The following HYDIN variants were observed in gnomAD, a reference collection of about 807,000 sequenced individuals.
HYDIN encodes the protein HYDIN axonemal central pair apparatus protein, also known as axonemal central pair apparatus protein HYDIN.
A neutral mutation model predicts 403.9 loss-of-function variants in HYDIN; 132 were observed. That is an observed-to-expected ratio of 0.33 (90% CI 0.28 to 0.38). HYDIN has a LOEUF of 0.38. Among genes scored for constraint, HYDIN ranks in the 10% least tolerant of loss-of-function variants. The pLI is 1.00. For missense variants in HYDIN, 2,827 were observed against 5,009.5 expected (o/e 0.56, Z 13.15); for synonymous variants, 1,202 against 1,891.7 (o/e 0.64, Z 9.46).
At chr16:70,884,891 G>A (rs1031379545) in intron 58 of HYDIN, among the ~76,000 whole-genome samples, 1 of 152,264 alleles carries the variant, frequency 6.6e-6, no homozygotes, top group Non-Finnish European at 1.5e-5. Context: ...AGAACAGAAT[G>A]TCCTGCAGTG....
chr16:71,197,751 T>C (rs920724950), intron 1 of HYDIN, among the ~76,000 whole-genome samples: 2 of 148,626 alleles, frequency 1.3e-5, no homozygotes, highest in Admixed American at 6.6e-5. Flanking sequence ...ATTCTCTTTG[T>C]TTGTTTGTTT....
chr16:70,947,015 A>G lies in HYDIN; in HGVS notation c.6532-3066T>C, dbSNP rs1222272196. Among the ~76,000 whole-genome samples, 10 of 151,788 alleles carry G rather than the reference A, an allele frequency of 6.6e-5. No homozygotes were observed. In the South Asian group the frequency reaches 1.5e-3, roughly 22 times the overall value. ...GACAATTTGACTTCCTCTTTTCCCA[A>G]TTGAATACCCTTTATTTCCTTCTCC... is the stretch of plus-strand genomic sequence containing the variant. On this transcript the variant is annotated intron_variant, in intron 41 of 85. Transcript: ENST00000393567.
chr16:71,162,968 T>G (rs2086066537), intron 5 of HYDIN, among the ~76,000 whole-genome samples: 1 of 152,356 alleles, frequency 6.6e-6, no homozygotes, highest in South Asian at 2.1e-4. Context: ...CTATGCTTCA[T>G]GTGTCTGTCA....
intron 16 of HYDIN, among the ~76,000 whole-genome samples, 159 bp downstream of exon 16, chr16:71,064,546 T>G (rs997489852): frequency 6.6e-6 from 1 of 152,092 alleles, no homozygotes; most frequent in Non-Finnish European, 1.5e-5. Flanking sequence ...AATCCAACTG[T>G]GACTTTATAA....
At chr16:71,194,334 C>G in intron 1 of HYDIN, among the ~76,000 whole-genome samples, 1 of 152,176 alleles carries the variant, frequency 6.6e-6, no homozygotes, top group East Asian at 1.9e-4. Context: ...TCGCTTGAAC[C>G]AGGGAGGCGG....
chr16:71,012,864 T>G (rs1277498313), intron 23 of HYDIN, among the ~76,000 whole-genome samples: 8 of 146,156 alleles, frequency 5.5e-5, no homozygotes, highest in South Asian at 4.3e-4. Flanking sequence ...TTTTTTTTTT[T>G]GTCTATTCTA....
rs747589135 is a variant in HYDIN, at chr16:70,882,759, A to G, written c.10116T>C (p.Asn3372=). ...CCTTGGCTTGGCGGCCCACCAGGAC[A>G]TTGCAGAAGATGAACTTGTTCTCAT... ...VEDENKFIFC[N]VLVGRQAKAR... is the part of the protein sequence containing the mutation. Residue 3372 remains asparagine, a synonymous_variant, in exon 60 of 86, where the codon AAT becomes AAC. Coordinates refer to ENST00000393567, the MANE Select transcript of HYDIN (RefSeq NM_001270974.2). The G allele has an allele frequency of 1.1e-5, 16 of 1,486,922 alleles. No individual in the cohort carries two copies. The South Asian group carries it at 1.6e-4, about 15-fold the overall frequency. The allele number at this position is 1,486,922 out of a possible 1,614,324, so 92.1% of individuals were successfully genotyped here.
rs538737268 is a variant in HYDIN, at chr16:70,914,169, T to C, written c.8004+4042A>G. Among the ~76,000 whole-genome samples the C allele has an allele frequency of 2.8e-3, 431 of 152,310 alleles. 3 individuals are homozygous for C. Among genetic ancestry groups the C allele is most frequent in the Non-Finnish European group, 4.0e-3 (275 of 68,008 alleles). ...CCATTCCATTAATTGTGCTATTTGT[T>C]GCCTGTGTACCTTGGTTTTTTGCTT... is the stretch of plus-strand genomic sequence containing the variant. On this transcript the variant is annotated intron_variant, in intron 47 of 85. Coordinates refer to ENST00000393567, the MANE Select transcript of HYDIN (RefSeq NM_001270974.2).
Position 70,882,870 on chromosome 16 carries a change from C to G in HYDIN, c.10005G>C (p.Leu3335Phe), listed in dbSNP as rs370635420. Residue 3335 changes from leucine (L) to phenylalanine (F), a missense_variant, in exon 60 of 86, where the codon TTG (leucine) becomes TTC (phenylalanine). Transcript: ENST00000393567. ...TACATATCTGGTGCTCTTCAAATAT[C>G]AAGGCATTGTTTTCGGTCACGAAGG... ...LPAFVTENNALIFEEHQICTS... is the reference protein window; with the variant it reads ...LPAFVTENNAFIFEEHQICTS... The G allele has an allele frequency of 2.5e-6, 4 of 1,583,072 alleles. No individual in the cohort carries two copies. Among genetic ancestry groups the G allele is most frequent in the Non-Finnish European group, 3.5e-6 (4 of 1,152,296 alleles).
intron 1 of HYDIN, among the ~76,000 whole-genome samples, chr16:71,220,400 T>C (rs909807959): frequency 5.3e-5 from 8 of 152,344 alleles, no homozygotes; most frequent in Admixed American, 3.9e-4. Flanking sequence ...TTTGGCCTTG[T>C]ATACAAGACA....
chr16:70,939,117 G>A (rs954271220), intron 43 of HYDIN, among the ~76,000 whole-genome samples: 1 of 152,216 alleles, frequency 6.6e-6, no homozygotes, highest in African/African-American at 2.4e-5. Context: ...GGATGCAGGA[G>A]AGTCAGTCAG....
chr16:71,030,342 C>A (rs1187136764), intron 19 of HYDIN, among the ~76,000 whole-genome samples: 1 of 151,940 alleles, frequency 6.6e-6, no homozygotes, highest in Admixed American at 6.6e-5. Flanking sequence ...TAGGCATAAA[C>A]CACTGCTCCC....
chr16:71,217,605 C>G (rs981152708), intron 1 of HYDIN, among the ~76,000 whole-genome samples: 1 of 152,118 alleles, frequency 6.6e-6, no homozygotes, highest in Admixed American at 6.5e-5. Flanking sequence ...AGAAGTTGAA[C>G]CTGACCTATG....
chr16:70,959,069 T>C (rs544633993), intron 39 of HYDIN, among the ~76,000 whole-genome samples: 4 of 152,104 alleles, frequency 2.6e-5, no homozygotes, highest in Admixed American at 1.3e-4. Context: ...TTTCCCAATG[T>C]AGGTGATTCT....
At chr16:70,931,861 T>A (rs1285816032) in intron 45 of HYDIN, among the ~76,000 whole-genome samples, 3 of 136,758 alleles carry the variant, frequency 2.2e-5, no homozygotes, top group Non-Finnish European at 4.8e-5. Context: ...CAAAAAATAC[T>A]AAAATTAGCC....
At chr16:71,149,478 C>A (rs2085449121) in intron 7 of HYDIN, among the ~76,000 whole-genome samples, 1 of 151,834 alleles carries the variant, frequency 6.6e-6, no homozygotes, top group Non-Finnish European at 1.5e-5. Context: ...CACACACATA[C>A]ACGCACACAC....
At chr16:71,175,947 C>T (rs1213484281) in intron 4 of HYDIN, 3 of 604,268 alleles carry the variant, frequency 5.0e-6, no homozygotes, top group South Asian at 1.9e-5. Flanking sequence ...TTTTTATTAA[C>T]ATTATTATTC....
chr16:71,151,844 T>C (rs1453582367), intron 7 of HYDIN, among the ~76,000 whole-genome samples: 1 of 151,590 alleles, frequency 6.6e-6, no homozygotes, highest in Non-Finnish European at 1.5e-5. Flanking sequence ...CAATGTGTAA[T>C]TTTCGTGATT....
intron 47 of HYDIN, among the ~76,000 whole-genome samples, chr16:70,914,117 T>G (rs939301336): frequency 5.3e-5 from 8 of 152,102 alleles, no homozygotes; most frequent in Non-Finnish European, 1.2e-4. Context: ...GCATTTACAT[T>G]CAATGTTAGT....
Sources: allele counts gnomAD v4.1 joint callset (sites outside exome capture counted in the v4.1 genomes callset), GRCh38; gene constraint gnomAD v4.1.1; transcripts MANE v1.5; gene names NCBI Gene and HGNC (gene_info 2026-07-23, HGNC 2026-07-21).